Variants in ZFYVE28 observed in about 807,000 individuals in gnomAD.
The protein encoded by ZFYVE28 is lateral signaling target protein 2 homolog.
In ZFYVE28, 40 loss-of-function variants were observed where a neutral mutation model predicts 82.1. The observed-to-expected ratio is 0.49, with a 90% confidence interval of 0.38 to 0.63. The LOEUF (loss-of-function observed/expected upper bound fraction) is 0.63, where lower values mean the gene tolerates loss of function less well. Among genes scored for constraint, ZFYVE28 ranks in the 30% least tolerant of loss-of-function variants. The pLI is 0.00. For missense variants in ZFYVE28, 1,321 were observed against 1,242.1 expected (o/e 1.06, Z -0.96); for synonymous variants, 612 against 546.1 (o/e 1.12, Z -1.68).
chr4:2,396,653 CCAGCCATCCTGCAGA>C (rs771590911), intron 1 of ZFYVE28, among the ~76,000 whole-genome samples: 1,194 of 19,582 alleles, frequency 0.061, 346 homozygotes, highest in African/African-American at 0.23. Context: ...GCTGATGGGA[CCAGCCATCCTGCAGA>C]GGGGCCACAA....
Position 2,312,705 on chromosome 4 carries a change from C to T in ZFYVE28, c.804-7169G>A, listed in dbSNP as rs112579406. Among the ~76,000 whole-genome samples, 367 of 116,382 alleles carry T rather than the reference C, an allele frequency of 3.2e-3. 2 individuals are homozygous for T. Among genetic ancestry groups the T allele is most frequent in the African/African-American group, 0.012 (353 of 29,374 alleles). The allele number at this position is 116,382 out of a possible 152,430, so 76.4% of individuals were successfully genotyped here. A position where few individuals can be genotyped will look rare whatever the true frequency, so the allele number is the denominator to read the frequency against. On this transcript the variant is annotated intron_variant, in intron 7 of 12. Coordinates refer to ENST00000290974, the MANE Select transcript of ZFYVE28 (RefSeq NM_020972.3). ...TCGCGCCACTGCGCTCCAGCCTGGG[C>T]GACAGAGCGAGACTCTGCCTCAAAA...
rs1732138276 is a variant in ZFYVE28, at chr4:2,408,290, C to T, written c.39+9995G>A. The stretch of plus-strand genomic sequence containing the variant: ...ACCAAGCCAGCATTTCCCTGCATCC[C>T]CACACCTGCCCTTTGAGATGTGACT... On this transcript the variant is annotated intron_variant, in intron 1 of 12. Coordinates refer to ENST00000290974, the MANE Select transcript of ZFYVE28 (RefSeq NM_020972.3). The surrounding 1 kb of genome is among the most constrained non-coding windows in gnomAD (Gnocchi z 4.3). Among the ~76,000 whole-genome samples, 1 of 152,190 alleles carries T rather than the reference C, an allele frequency of 6.6e-6. No homozygotes were observed. Among genetic ancestry groups the T allele is most frequent in the Non-Finnish European group, 1.5e-5 (1 of 68,004 alleles).
chr4:2,305,038 C>T lies in ZFYVE28; in HGVS notation c.1302G>A (p.Gln434=). ...CGCCTGGCCCACCCTGCCCTTTCTC[C>T]TGGGGGTCGGCCCAGGTACTGCCTG... The part of the protein sequence containing the change: ...GWAGSTWADP[Q]EKGQGGPGGA... Residue 434 remains glutamine (Q), a synonymous_variant, in exon 8 of 13, where the codon CAG becomes CAA. Transcript: ENST00000290974. 1 of 1,612,664 alleles carries T rather than the reference C, an allele frequency of 6.2e-7. No individual in the cohort carries two copies. The highest frequency in any genetic ancestry group is 8.5e-7 in the Non-Finnish European group (1 of 1,179,842).
rs58958771 is a variant in ZFYVE28 at position 2,308,627 on chromosome 4, C to CAGAAAGAAAGAAAGAAAGAA, written c.804-3111_804-3092dup. 3.0e-3 allele frequency among the ~76,000 whole-genome samples: 235 copies of CAGAAAGAAAGAAAGAAAGAA among 79,562 alleles called. 5 individuals carry two copies. Among genetic ancestry groups the CAGAAAGAAAGAAAGAAAGAA allele is most frequent in the East Asian group, 0.023 (61 of 2,644 alleles). 52.2% of individuals were successfully genotyped at this position (79,562 alleles called of 152,430 possible). A position where few individuals can be genotyped will look rare whatever the true frequency, so the allele number is the denominator to read the frequency against. ...GAGAGAGAGAAAGAAAGAAAGAAGA[C>CAGAAAGAAAGAAAGAAAGAA]AGAAAGAAAGAAAGAAAGAAAGAAA... On this transcript the variant is annotated intron_variant, in intron 7 of 12. Coordinates refer to ENST00000290974, the MANE Select transcript of ZFYVE28 (RefSeq NM_020972.3).
intron 2 of ZFYVE28, among the ~76,000 whole-genome samples, chr4:2,348,145 A>G (rs1021684823): frequency 6.6e-6 from 1 of 152,212 alleles, no homozygotes; most frequent in African/African-American, 2.4e-5. Flanking sequence ...GGTGGATCCT[A>G]CATATATTAA....
At chr4:2,377,227 T>A (rs971702889) in intron 1 of ZFYVE28, among the ~76,000 whole-genome samples, 7 of 152,158 alleles carry the variant, frequency 4.6e-5, no homozygotes, top group Non-Finnish European at 1.0e-4. Flanking sequence ...TTTGCCGTGT[T>A]AGCCAGGATG....
chr4:2,299,657 G>A, intron 8 of ZFYVE28, among the ~76,000 whole-genome samples: 1 of 70 alleles, frequency 0.014, no homozygotes, highest in African/African-American at 0.1. Context: ...AGGGAGGGAG[G>A]AAGGAAAGAA....
rs1722322754 is a variant in ZFYVE28 at position 2,339,036 on chromosome 4, T to A, written c.521+417A>T. Among the ~76,000 whole-genome samples the A allele has an allele frequency of 6.6e-6, 1 of 152,118 alleles. No homozygotes were observed. Among genetic ancestry groups the A allele is most frequent in the Non-Finnish European group, 1.5e-5 (1 of 68,012 alleles). The stretch of plus-strand genomic sequence containing the variant: ...ACCGTGTTAGCCAGGATGGTCTCGA[T>A]CTTCTGACCTCATGATCCGCCTGCC... On this transcript the variant is annotated intron_variant, in intron 4 of 12. Coordinates refer to ENST00000290974, the MANE Select transcript of ZFYVE28 (RefSeq NM_020972.3). This position sits in a 1 kb window ranked among gnomAD's most constrained non-coding sequence, Gnocchi z 5.0.
chr4:2,406,007 C>T (rs1338972484), intron 1 of ZFYVE28, among the ~76,000 whole-genome samples: 2 of 144,776 alleles, frequency 1.4e-5, no homozygotes, highest in Non-Finnish European at 3.0e-5. Context: ...CAAGATTGCG[C>T]TGCTATACTC....
chr4:2,284,545 G>C (rs1224259989), intron 8 of ZFYVE28, among the ~76,000 whole-genome samples: 1 of 152,188 alleles, frequency 6.6e-6, no homozygotes, highest in East Asian at 1.9e-4. Context: ...CAGCCTCCCA[G>C]GAGTCAGAGG....
chr4:2,385,747 A>C (rs1219498981), intron 1 of ZFYVE28, among the ~76,000 whole-genome samples: 2 of 152,096 alleles, frequency 1.3e-5, no homozygotes, highest in African/African-American at 4.8e-5. Flanking sequence ...AAAAAACAAA[A>C]AACACACCAG....
At position 2,391,313 on chromosome 4, in the gene ZFYVE28, C is replaced by A. The variant is rs77027330; in HGVS notation, c.39+26972G>T. On this transcript the variant is annotated intron_variant, in intron 1 of 12. Coordinates refer to ENST00000290974, the MANE Select transcript of ZFYVE28 (RefSeq NM_020972.3). ...GCCCACCCTGAGCTCTCCCAACCCG[C>A]GCTCATGTGTGGCGGAAGAGCCTCG... is the stretch of plus-strand genomic sequence containing the variant. 3.1e-3 allele frequency among the ~76,000 whole-genome samples: 477 copies of A among 152,296 alleles called. 6 individuals are homozygous for A. The highest frequency in any genetic ancestry group is 0.01 in the African/African-American group (422 of 41,560).
At chr4:2,398,223 C>T (rs953360776) in intron 1 of ZFYVE28, among the ~76,000 whole-genome samples, 33 of 152,220 alleles carry the variant, frequency 2.2e-4, no homozygotes, top group African/African-American at 3.9e-4. Context: ...GGCCAGTGCC[C>T]GTGCCAGGGT....
chr4:2,383,462 C>G, intron 1 of ZFYVE28, among the ~76,000 whole-genome samples: 1 of 152,144 alleles, frequency 6.6e-6, no homozygotes, highest in East Asian at 1.9e-4. Flanking sequence ...AACTACAAGT[C>G]TAATTAAACC....
intron 2 of ZFYVE28, among the ~76,000 whole-genome samples, chr4:2,346,724 C>A (rs1306099896): frequency 6.6e-6 from 1 of 151,912 alleles, no homozygotes; most frequent in Non-Finnish European, 1.5e-5. Context: ...CTAAAGCAAC[C>A]ACTAAAATAA....
intron 2 of ZFYVE28, among the ~76,000 whole-genome samples, chr4:2,352,017 C>A (rs184432700): frequency 2.9e-4 from 44 of 152,338 alleles, no homozygotes; most frequent in African/African-American, 9.9e-4. Flanking sequence ...ATCATATCTG[C>A]ACATACTCAA....
chr4:2,291,698 C>T (rs796267776), intron 8 of ZFYVE28, among the ~76,000 whole-genome samples: 2 of 152,190 alleles, frequency 1.3e-5, no homozygotes, highest in African/African-American at 4.8e-5. Context: ...CTGGACTCTG[C>T]CCAGCTCCTT....
intron 8 of ZFYVE28, among the ~76,000 whole-genome samples, chr4:2,283,115 C>CCATCCATCCAT (rs1214554267): frequency 0.024 from 822 of 34,156 alleles, 2 homozygotes; most frequent in Non-Finnish European, 0.035. Context: ...CATCCATCCA[C>CCATCCATCCAT]CCACCCACCC....
At chr4:2,350,162 T>C (rs1417282762) in intron 2 of ZFYVE28, among the ~76,000 whole-genome samples, 1 of 152,122 alleles carries the variant, frequency 6.6e-6, no homozygotes, top group African/African-American at 2.4e-5. Flanking sequence ...AATAAGTGTA[T>C]TTAGAAAGTA....
Sources: gnomAD v4.1 joint callset for allele counts (sites outside exome capture counted in the v4.1 genomes callset) on GRCh38, gnomAD v4.1.1 for gene constraint, Gnocchi (gnomAD v3.1) non-coding constraint, MANE v1.5 for transcripts, NCBI Gene and HGNC (gene_info 2026-07-23, HGNC 2026-07-21) for gene names.